The following TMEM132B variants were observed in gnomAD, a reference collection of about 807,000 sequenced individuals.
TMEM132B encodes transmembrane protein 132B.
TMEM132B carries 18 observed loss-of-function variants against 90.8 expected under a neutral mutation model. That is an observed-to-expected ratio of 0.20 (90% CI 0.14 to 0.29). The LOEUF is 0.29. Ranked by LOEUF, TMEM132B falls within the 10% of genes least tolerant of loss-of-function variation. The pLI, the probability that TMEM132B is intolerant of heterozygous loss-of-function variation, is 1.00. For synonymous variants in TMEM132B, 504 were observed against 523.3 expected, an observed-to-expected ratio of 0.96 and a Z score of 0.50; for missense variants, 1,096 against 1,326.8, an observed-to-expected ratio of 0.83 and a Z score of 2.70.
intron 3 of TMEM132B, among the ~76,000 whole-genome samples, chr12:125,428,799 A>T (rs1880409637): frequency 6.6e-6 from 1 of 152,174 alleles, no homozygotes; most frequent in Non-Finnish European, 1.5e-5. Context: ...TGTGGCCAAC[A>T]TCCTATGTTG....
chr12:125,572,394 T>A (rs544749055), intron 4 of TMEM132B, among the ~76,000 whole-genome samples: 4 of 152,368 alleles, frequency 2.6e-5, no homozygotes, highest in African/African-American at 9.6e-5. Context: ...CTTTTTGCCC[T>A]CTGCCTTCTG....
At chr12:125,191,133 C>T (rs1464605586) in intron 1 of TMEM132B, among the ~76,000 whole-genome samples, 8 of 61,494 alleles carry the variant, frequency 1.3e-4, no homozygotes, top group Admixed American at 2.3e-4. Context: ...GTGACAGTGA[C>T]GGGAAAGGGG....
chr12:125,232,454 C>A (rs955151786), intron 1 of TMEM132B, among the ~76,000 whole-genome samples: 2 of 151,602 alleles, frequency 1.3e-5, no homozygotes, highest in Non-Finnish European at 2.9e-5. Context: ...TTTTCACTTA[C>A]CTTTTTTTTT....
At position 125,186,596 on chromosome 12, in the gene TMEM132B, G is replaced by T. The variant is rs1376464586; in HGVS notation, c.-204G>T. On this transcript the variant is annotated 5_prime_UTR_variant, in exon 1 of 9. Coordinates refer to ENST00000682704, the MANE Select transcript of TMEM132B (RefSeq NM_001366854.1). The surrounding 1 kb of genome is among the most constrained non-coding windows in gnomAD (Gnocchi z 6.3). Reference sequence around the variant, plus strand: ...CCGCCCCAGCTCCCCAGCCACGCACGGCCGAGCCCAGGAGAGCGCGCAGAG... The same window carrying T: ...CCGCCCCAGCTCCCCAGCCACGCACTGCCGAGCCCAGGAGAGCGCGCAGAG... Among the ~76,000 whole-genome samples the T allele has an allele frequency of 6.8e-6, 1 of 146,822 alleles. No homozygotes were observed. The highest frequency in any genetic ancestry group is 6.8e-5 in the Admixed American group (1 of 14,774).
In TMEM132B at chr12:125,574,533, G is replaced by A. The variant is rs552441950; in HGVS notation, c.1294-9318G>A. On this transcript the variant is annotated intron_variant, in intron 4 of 8. Coordinates refer to ENST00000682704, the MANE Select transcript of TMEM132B (RefSeq NM_001366854.1). ...ATCCCTAAGATTCAACTGACTCTACGGATTAGAAGCTAACAGAACTATTGT... is the reference window on the plus strand; with the variant it reads ...ATCCCTAAGATTCAACTGACTCTACAGATTAGAAGCTAACAGAACTATTGT... 1.8e-4 allele frequency among the ~76,000 whole-genome samples: 28 copies of A among 152,118 alleles called. No homozygotes were observed. The South Asian group carries it at 5.4e-3, about 29-fold the overall frequency.
intron 1 of TMEM132B, chr12:125,301,223 G>A (rs1354523199): frequency 6.6e-6 from 1 of 152,202 alleles, no homozygotes; most frequent in Admixed American, 6.5e-5. Flanking sequence ...GCACTGATCT[G>A]TATTTTTCAT....
chr12:125,222,969 C>T (rs377029099), intron 1 of TMEM132B, among the ~76,000 whole-genome samples: 2 of 152,320 alleles, frequency 1.3e-5, no homozygotes, highest in African/African-American at 4.8e-5. Flanking sequence ...AGATTCAATA[C>T]ATTACATAAT....
In TMEM132B at chr12:125,650,887, G is replaced by A. The variant is rs757659675; in HGVS notation, c.1848G>A (p.Pro616=). 33 of 1,613,884 alleles carry A rather than the reference G, an allele frequency of 2.0e-5. No homozygotes were observed. In the East Asian group the frequency reaches 4.7e-4, roughly 23 times the overall value. The part of the protein sequence containing the change: ...LVTEFMKVEE[P]KIAQLQDGRT... ...CCGAGTTCATGAAGGTGGAGGAGCC[G>A]AAAATCGCTCAGTTACAGGACGGCA... Residue 616 remains proline, a synonymous_variant, in exon 7 of 9, where the codon CCG becomes CCA. Coordinates refer to ENST00000682704, the MANE Select transcript of TMEM132B (RefSeq NM_001366854.1).
intron 1 of TMEM132B, among the ~76,000 whole-genome samples, chr12:125,297,949 C>T (rs933436315): frequency 4.6e-5 from 7 of 152,202 alleles, no homozygotes; most frequent in Admixed American, 1.3e-4. Flanking sequence ...CAAGCATGCT[C>T]GCCTCCTAAG....
At chr12:125,276,112 T>C (rs1040698481) in intron 1 of TMEM132B, among the ~76,000 whole-genome samples, 16 of 152,230 alleles carry the variant, frequency 1.1e-4, no homozygotes, top group Non-Finnish European at 8.8e-5. Flanking sequence ...TAGAAGTTAG[T>C]TGGGAAATCA....
At chr12:125,295,254 G>C (rs1198248419) in intron 1 of TMEM132B, among the ~76,000 whole-genome samples, 1 of 152,154 alleles carries the variant, frequency 6.6e-6, no homozygotes, top group Non-Finnish European at 1.5e-5. Context: ...GGCTGGGCTG[G>C]GAGTGGGAGA....
chr12:125,626,623 T>C (rs771306201), intron 5 of TMEM132B, among the ~76,000 whole-genome samples: 1 of 152,152 alleles, frequency 6.6e-6, no homozygotes, highest in African/African-American at 2.4e-5. Context: ...GCCATCCTAT[T>C]GTCTTATTGC....
chr12:125,216,958 G>A (rs1387194194), intron 1 of TMEM132B, among the ~76,000 whole-genome samples: 1 of 152,236 alleles, frequency 6.6e-6, no homozygotes, highest in Non-Finnish European at 1.5e-5. Context: ...ACAAGCTGGA[G>A]CCGTCAGGCC....
intron 1 of TMEM132B, among the ~76,000 whole-genome samples, chr12:125,235,536 GT>G (rs1323112931): frequency 6.6e-6 from 1 of 151,058 alleles, no homozygotes; most frequent in East Asian, 1.9e-4. Context: ...CATTCACAAC[GT>G]TGTGCAACCA....
At chr12:125,447,605 CTCTT>C (rs1052776777) in intron 3 of TMEM132B, among the ~76,000 whole-genome samples, 1 of 151,936 alleles carries the variant, frequency 6.6e-6, no homozygotes, top group African/African-American at 2.4e-5. Context: ...TCTTTTTTGC[CTCTT>C]TCTTTCTTCC....
At chr12:125,395,286 T>C (rs323847) in intron 2 of TMEM132B, among the ~76,000 whole-genome samples, 78,312 of 152,122 alleles carry the variant, frequency 0.51, 20,975 homozygotes, top group East Asian at 0.88. Context: ...TGATTATTAG[T>C]CACCTGAAAG....
At chr12:125,189,297 G>A (rs1417085543) in intron 1 of TMEM132B, among the ~76,000 whole-genome samples, 1 of 152,198 alleles carries the variant, frequency 6.6e-6, no homozygotes. Context: ...AATTAGCGGT[G>A]CAGTTACAGT....
intron 5 of TMEM132B, among the ~76,000 whole-genome samples, chr12:125,637,639 G>T (rs1886518334): frequency 6.6e-6 from 1 of 152,190 alleles, no homozygotes; most frequent in Non-Finnish European, 1.5e-5. Flanking sequence ...AAAAAATGTT[G>T]CATTTCCATC....
chr12:125,481,539 T>A (rs144367181), intron 3 of TMEM132B, among the ~76,000 whole-genome samples: 3,693 of 152,206 alleles, frequency 0.024, 155 homozygotes, highest in African/African-American at 0.084. Context: ...GGAATCCAAC[T>A]TACAAGGGAT....
Sources: gnomAD v4.1 joint callset for allele counts (sites outside exome capture counted in the v4.1 genomes callset) on GRCh38, gnomAD v4.1.1 for gene constraint, Gnocchi (gnomAD v3.1) non-coding constraint, MANE v1.5 for transcripts, NCBI Gene and HGNC (gene_info 2026-07-23, HGNC 2026-07-21) for gene names.